Variants in FANCA observed in about 807,000 individuals in gnomAD.
FANCA encodes FA complementation group A, also known as Fanconi anemia group A protein.
A neutral mutation model predicts 194.3 loss-of-function variants in FANCA; 236 were observed. The observed-to-expected ratio is 1.21, with a 90% confidence interval of 1.09 to 1.35. The LOEUF (loss-of-function observed/expected upper bound fraction) is 1.35. Ranked by LOEUF, FANCA falls within the 40% of genes most tolerant of loss-of-function variation. The probability of loss-of-function intolerance (pLI) is 0.00; values close to 1 mark genes in which losing one functional copy is unlikely to be tolerated. For missense variants in FANCA, 2,628 were observed against 1,813.9 expected (o/e 1.45, Z -8.15); for synonymous variants, 1,014 against 715.8 (o/e 1.42, Z -6.65).
At chr16:89,754,524 C>A (rs967764248) in intron 30 of FANCA, among the ~76,000 whole-genome samples, 1 of 152,026 alleles carries the variant, frequency 6.6e-6, no homozygotes, top group African/African-American at 2.4e-5. Context: ...GAGCCCACCA[C>A]GATGCCCGGC....
At chr16:89,775,903 A>G (rs1012081791) in intron 20 of FANCA, 88 bp from the exon 21 acceptor site, 31 of 812,276 alleles carry the variant, frequency 3.8e-5, no homozygotes, top group African/African-American at 1.9e-4. Flanking sequence ...TAAAATAAAA[A>G]CATATTAAAT....
At chr16:89,775,478 T>C (rs1351836711) in intron 21 of FANCA, among the ~76,000 whole-genome samples, 3 of 152,176 alleles carry the variant, frequency 2.0e-5, no homozygotes, top group Non-Finnish European at 4.4e-5. Context: ...CACAGGAAGA[T>C]GACGAGTGAC....
At chr16:89,810,489 A>G in intron 5 of FANCA, 3 of 558,416 alleles carry the variant, frequency 5.4e-6, no homozygotes, top group South Asian at 4.1e-5. Flanking sequence ...AGTCTAATAA[A>G]TATTACTAAT....
chr16:89,778,974 T>A lies in FANCA; in HGVS notation c.1745A>T (p.His582Leu), dbSNP rs1328693635. The A allele has an allele frequency of 1.2e-6, 2 of 1,613,794 alleles. No homozygotes were observed. The highest frequency in any genetic ancestry group is 2.7e-5 in the African/African-American group (2 of 74,868). Residue 582 changes from histidine to leucine, a missense_variant, in exon 19 of 43, where the codon CAC (histidine) becomes CTC (leucine). Coordinates refer to ENST00000389301, the MANE Select transcript of FANCA (RefSeq NM_000135.4). ...AGGTGTGAGCAGGGCGGGGAGGAAG[T>A]GGGACACGTAGTAAGGCCTCCTGAA... The part of the protein sequence containing the change: ...SIFRRPYYVS[H>L]FLPALLTPRV...
chr16:89,783,137 C>A (rs2143461860), intron 15 of FANCA, 35 bp from the exon 16 acceptor site: 1 of 1,529,894 alleles, frequency 6.5e-7, no homozygotes, highest in Non-Finnish European at 9.0e-7. Context: ...CACCGTTAGT[C>A]TGGGAACTGC....
rs775388912 is a variant in FANCA, at chr16:89,770,563, C to T, written c.2222+1G>A. 6.2e-7 allele frequency: 1 copy of T among 1,607,566 alleles called. No individual in the cohort carries two copies. Among genetic ancestry groups the T allele is most frequent in the African/African-American group, 1.3e-5 (1 of 74,822 alleles). On this transcript the variant is annotated splice_donor_variant, in intron 24 of 42. Transcript: ENST00000389301. LOFTEE classifies it high-confidence loss of function. ...ACTCAGGGAGCTGCCCGCGCCTTCA[C>T]CTCTCCGGGGGAGCGACACTGGAGG...
chr16:89,765,194 G>T lies in FANCA; in HGVS notation c.2602-128C>A. ...ACAACCCCACATTCAGAGGACCTCAGTCCAGCCCCTGGGAGGGCGCAATAC... is the reference window on the plus strand; with the variant it reads ...ACAACCCCACATTCAGAGGACCTCATTCCAGCCCCTGGGAGGGCGCAATAC... On this transcript the variant is annotated intron_variant, in intron 27 of 42. Coordinates refer to ENST00000389301, the MANE Select transcript of FANCA (RefSeq NM_000135.4). 3 of 1,142,784 alleles carry T rather than the reference G, an allele frequency of 2.6e-6. No homozygotes were observed. The South Asian group carries it at 4.0e-5, about 15-fold the overall frequency. The allele number at this position is 1,142,784 out of a possible 1,614,324, so 70.8% of individuals were successfully genotyped here.
rs187764693 is a variant in FANCA, at chr16:89,771,896, G to A, written c.2015-82C>T. On this transcript the variant is annotated intron_variant, in intron 22 of 42. Transcript: ENST00000389301. ...TGCGGCCTAGAGAGCTCCGCCTCCC[G>A]TCAAGTACGATTCCACGGATCCTGC... 1,287 of 1,511,712 alleles carry A rather than the reference G, an allele frequency of 8.5e-4. 2 individuals are homozygous for A. Among genetic ancestry groups the A allele is most frequent in the Non-Finnish European group, 1.1e-3 (1,236 of 1,095,894 alleles). The allele number at this position is 1,511,712 out of a possible 1,614,324, so 93.6% of individuals were successfully genotyped here. A position where few individuals can be genotyped will look rare whatever the true frequency, so the allele number is the denominator to read the frequency against.
intron 14 of FANCA, among the ~76,000 whole-genome samples, chr16:89,787,541 A>G (rs1166055016): frequency 6.6e-6 from 1 of 152,074 alleles, no homozygotes; most frequent in Non-Finnish European, 1.5e-5. Flanking sequence ...AAGACCAGCC[A>G]GGGCAACATA....
At chr16:89,776,155 T>C (rs866589877) in intron 20 of FANCA, among the ~76,000 whole-genome samples, 20 of 134,268 alleles carry the variant, frequency 1.5e-4, no homozygotes, top group Admixed American at 2.9e-4. Flanking sequence ...GAATCTTTGT[T>C]TTTCTTTTTT....
At chr16:89,754,580 A>G (rs1198944747) in intron 30 of FANCA, among the ~76,000 whole-genome samples, 1 of 152,126 alleles carries the variant, frequency 6.6e-6, no homozygotes, top group Non-Finnish European at 1.5e-5. Flanking sequence ...CATGTTGGCC[A>G]GGCTGGTCTC....
chr16:89,776,705 C>A (rs1264572325), intron 20 of FANCA, among the ~76,000 whole-genome samples: 3 of 151,836 alleles, frequency 2.0e-5, no homozygotes, highest in Non-Finnish European at 4.4e-5. Context: ...GTGGCGGGCG[C>A]CTGCAGTCTC....
chr16:89,808,849 C>T (rs1190232198), intron 5 of FANCA, among the ~76,000 whole-genome samples: 3 of 152,070 alleles, frequency 2.0e-5, no homozygotes, highest in Non-Finnish European at 4.4e-5. Flanking sequence ...GAACACTGTG[C>T]CTGTCACACT....
intron 17 of FANCA, among the ~76,000 whole-genome samples, chr16:89,781,130 C>T (rs948253518): frequency 5.9e-5 from 9 of 151,944 alleles, no homozygotes; most frequent in Non-Finnish European, 8.8e-5. Context: ...TTTGAGAGAC[C>T]GAGGCAGACG....
chr16:89,803,624 CTTTT>C (rs34752953), intron 7 of FANCA, among the ~76,000 whole-genome samples: 62 of 139,126 alleles, frequency 4.5e-4, no homozygotes, highest in Non-Finnish European at 6.2e-4. Flanking sequence ...AGATTTTTTT[CTTTT>C]TTTTTTTTTT....
intron 8 of FANCA, among the ~76,000 whole-genome samples, chr16:89,800,416 T>C (rs2040404042): frequency 6.6e-6 from 1 of 152,174 alleles, no homozygotes; most frequent in Admixed American, 6.5e-5. Flanking sequence ...GACTGCAGTG[T>C]AGGCAAAATG....
rs749556479 is a variant in FANCA at position 89,769,831 on chromosome 16, G to C, written c.2504+6C>G. On this transcript the variant is annotated splice_donor_region_variant and intron_variant, in intron 26 of 42. Transcript: ENST00000389301. ...GAGAAGACGCGACTGTGGAAGAAGA[G>C]CTCACTTCAGGCAGAAGAACAAGGA... 2.7e-5 allele frequency: 43 copies of C among 1,614,000 alleles called. 1 individual carries two copies. In the Admixed American group the frequency reaches 7.2e-4, roughly 27 times the overall value.
chr16:89,798,479 A>G, intron 10 of FANCA: 1 of 1,096,028 alleles, frequency 9.1e-7, no homozygotes, highest in South Asian at 3.9e-5. Flanking sequence ...TAAAGAATGA[A>G]AAGGTTGACA....
intron 26 of FANCA, among the ~76,000 whole-genome samples, chr16:89,768,445 C>A (rs1352575362): frequency 6.6e-6 from 1 of 152,122 alleles, no homozygotes; most frequent in Non-Finnish European, 1.5e-5. Context: ...CACTTGAGGT[C>A]AGGAGTTCAA....
Sources: allele counts gnomAD v4.1 joint callset (sites outside exome capture counted in the v4.1 genomes callset), GRCh38; gene constraint gnomAD v4.1.1; transcripts MANE v1.5; gene names NCBI Gene and HGNC (gene_info 2026-07-23, HGNC 2026-07-21).